GAPVD1: variants seen among roughly 807,000 people sequenced by gnomAD.
GAPVD1 encodes GTPase activating protein and VPS9 domains 1, also known as GTPase-activating protein and VPS9 domain-containing protein 1.
In GAPVD1, 35 loss-of-function variants were observed where a neutral mutation model predicts 155.5. The ratio of observed to expected loss-of-function variants is 0.23; its 90% CI spans 0.17 to 0.30. The LOEUF (loss-of-function observed/expected upper bound fraction) is 0.30, where lower values mean the gene tolerates loss of function less well. Among genes scored for constraint, GAPVD1 ranks in the 10% least tolerant of loss-of-function variants. The probability of loss-of-function intolerance (pLI) is 1.00; values close to 1 mark genes in which losing one functional copy is unlikely to be tolerated. For synonymous variants in GAPVD1, 636 were observed against 619.7 expected (o/e 1.03, Z -0.39); for missense variants, 1,429 against 1,775.7 (o/e 0.80, Z 3.51).
At chr9:125,289,291 C>G (rs1750854058) in intron 2 of GAPVD1, among the ~76,000 whole-genome samples, 1 of 152,124 alleles carries the variant, frequency 6.6e-6, no homozygotes, top group African/African-American at 2.4e-5. Flanking sequence ...TATGATTTGA[C>G]TCATGCTTTA....
intron 9 of GAPVD1, among the ~76,000 whole-genome samples, chr9:125,313,802 T>C (rs1019696525): frequency 1.3e-5 from 2 of 152,232 alleles, no homozygotes; most frequent in Admixed American, 1.3e-4. Context: ...GGTTTTGCCA[T>C]GTTGGCCAGA....
At chr9:125,267,902 C>T (rs1588500410) in intron 1 of GAPVD1, among the ~76,000 whole-genome samples, 1 of 151,946 alleles carries the variant, frequency 6.6e-6, no homozygotes, top group South Asian at 2.1e-4. Flanking sequence ...GTGGCTCACA[C>T]CTGTGATCCC....
chr9:125,346,791 A>T, intron 19 of GAPVD1, 28 bp from the exon 20 acceptor site: 4 of 1,595,162 alleles, frequency 2.5e-6, no homozygotes, highest in Non-Finnish European at 3.4e-6. Flanking sequence ...CCAAGGGGCT[A>T]ATTCTCTCAC....
chr9:125,266,901 T>G (rs1407905856), intron 1 of GAPVD1, among the ~76,000 whole-genome samples: 3 of 151,924 alleles, frequency 2.0e-5, no homozygotes, highest in Non-Finnish European at 4.4e-5. Flanking sequence ...ACTGGTACTA[T>G]GGGCACGTGC....
At chr9:125,271,547 A>AT (rs1016411605) in intron 2 of GAPVD1, among the ~76,000 whole-genome samples, 5 of 151,722 alleles carry the variant, frequency 3.3e-5, no homozygotes, top group Non-Finnish European at 7.4e-5. Flanking sequence ...AGATTAACTT[A>AT]TTTTTTTATT....
rs2131073117 is a variant in GAPVD1 at position 125,307,506 on chromosome 9, A to G, written c.1210A>G (p.Arg404Gly). The G allele has an allele frequency of 6.2e-7, 1 of 1,611,328 alleles. No individual in the cohort carries two copies. Among genetic ancestry groups the G allele is most frequent in the South Asian group, 1.1e-5 (1 of 91,020 alleles). Residue 404 changes from arginine (R) to glycine (G), a missense_variant, in exon 7 of 28, where the codon AGA (arginine) becomes GGA (glycine). This residue lies in a region of GAPVD1 where 628 missense variants were observed against 733.4 expected (regional missense o/e 0.86). Transcript: ENST00000297933. ...CGTCAATCTTCTGGAAGGATTGAGC[A>G]GAACTGTGGTTTATATAACCTACAG... ...SSVNLLEGLSRTVVYITYSQL... is the reference protein window; with the variant it reads ...SSVNLLEGLSGTVVYITYSQL...
chr9:125,288,063 TC>T (rs1263138290), intron 2 of GAPVD1, among the ~76,000 whole-genome samples: 1 of 151,812 alleles, frequency 6.6e-6, no homozygotes. Context: ...ATATGAAACT[TC>T]CAGATGTTGT....
intron 2 of GAPVD1, among the ~76,000 whole-genome samples, chr9:125,276,416 A>C (rs1835795036): frequency 6.6e-6 from 1 of 152,136 alleles, no homozygotes; most frequent in African/African-American, 2.4e-5. Flanking sequence ...TCCAGTCTTT[A>C]ATAAAAATGT....
chr9:125,285,383 T>C (rs966351793), intron 2 of GAPVD1, among the ~76,000 whole-genome samples: 1 of 151,968 alleles, frequency 6.6e-6, no homozygotes, highest in African/African-American at 2.4e-5. Flanking sequence ...TGTTAAAACA[T>C]GAGTTGAAAA....
At chr9:125,300,984 A>G (rs1201240279) in intron 4 of GAPVD1, among the ~76,000 whole-genome samples, 1 of 152,240 alleles carries the variant, frequency 6.6e-6, no homozygotes, top group African/African-American at 2.4e-5. Flanking sequence ...ATATGCTGAT[A>G]TCGACTTCAT....
At chr9:125,313,343 A>G (rs1001228734) in intron 9 of GAPVD1, among the ~76,000 whole-genome samples, 6 of 138,626 alleles carry the variant, frequency 4.3e-5, no homozygotes, top group African/African-American at 1.6e-4. Flanking sequence ...TCACTCTGTC[A>G]CCTAGGCTGG....
At chr9:125,263,275 C>T (rs1366227827) in intron 1 of GAPVD1, among the ~76,000 whole-genome samples, 2 of 152,230 alleles carry the variant, frequency 1.3e-5, no homozygotes, top group Admixed American at 6.5e-5. Context: ...ATGGTGAAAC[C>T]CCATCTCTAC....
intron 2 of GAPVD1, among the ~76,000 whole-genome samples, chr9:125,292,594 T>C (rs993810429): frequency 6.6e-6 from 1 of 152,014 alleles, no homozygotes; most frequent in Non-Finnish European, 1.5e-5. Flanking sequence ...TTCACCATGT[T>C]GGCCAGGCAG....
intron 12 of GAPVD1, among the ~76,000 whole-genome samples, chr9:125,329,391 A>G (rs1038781689): frequency 3.9e-5 from 6 of 152,334 alleles, no homozygotes; most frequent in South Asian, 2.1e-4. Context: ...AGGGCTATAA[A>G]TTTTAGAACG....
Position 125,354,638 on chromosome 9 carries a change from G to A in GAPVD1, c.3570-16G>A. 1.3e-6 allele frequency: 2 copies of A among 1,573,112 alleles called. No individual in the cohort carries two copies. The highest frequency in any genetic ancestry group is 2.2e-5 in the East Asian group (1 of 44,680). ...CTGAATATATCTGATGTCATGCAAAGTATTTTTCCTTTTAGAAAAAGAGCC... is the reference window on the plus strand; with the variant it reads ...CTGAATATATCTGATGTCATGCAAAATATTTTTCCTTTTAGAAAAAGAGCC... On this transcript the variant is annotated splice_polypyrimidine_tract_variant and intron_variant, in intron 23 of 27. Coordinates refer to ENST00000297933, the MANE Select transcript of GAPVD1 (RefSeq NM_001282680.3).
chr9:125,340,815 A>G (rs1053020917), intron 17 of GAPVD1, among the ~76,000 whole-genome samples: 5 of 152,226 alleles, frequency 3.3e-5, no homozygotes, highest in Non-Finnish European at 5.9e-5. Context: ...CTACGTGGCA[A>G]TAAGAGTTGT....
At chr9:125,271,361 T>C (rs184516529) in intron 2 of GAPVD1, among the ~76,000 whole-genome samples, 7 of 152,182 alleles carry the variant, frequency 4.6e-5, no homozygotes, top group Admixed American at 1.3e-4. Flanking sequence ...ACTTATGTGT[T>C]GTTATTTATT....
chr9:125,302,012 A>G lies in GAPVD1; in HGVS notation c.215A>G (p.Gln72Arg). 6.3e-7 allele frequency: 1 copy of G among 1,595,982 alleles called. No individual in the cohort carries two copies. ...GAAGCTTCCCCTGCTGAATGTTGCC[A>G]ACATGCCAAAATTTTGGAAGATACA... ...SAEASPAECC[Q>R]HAKILEDTQF... The change falls in exon 5 of 28, where the codon CAA (glutamine) becomes CGA (arginine). Residue 72 changes from glutamine (Q) to arginine (R), a missense_variant. By Grantham distance (43) the Gln-to-Arg change is conservative. Around this residue, in one of 4 missense-constraint regions of GAPVD1, gnomAD observed 628 missense variants for 733.4 expected, o/e 0.86. Transcript: ENST00000297933.
intron 25 of GAPVD1, among the ~76,000 whole-genome samples, chr9:125,356,333 A>G (rs1354565352): frequency 1.3e-5 from 2 of 152,062 alleles, no homozygotes; most frequent in African/African-American, 4.8e-5. Context: ...CAGATTGTTG[A>G]TGATGTGGGA....
Sources: allele counts gnomAD v4.1 joint callset (sites outside exome capture counted in the v4.1 genomes callset), GRCh38; gene constraint gnomAD v4.1.1; regional missense constraint gnomAD v4.1.1; transcripts MANE v1.5; gene names NCBI Gene and HGNC (gene_info 2026-07-23, HGNC 2026-07-21).